Variants in NRG1 observed in about 807,000 individuals in gnomAD.
NRG1 encodes pro-neuregulin-1, membrane-bound isoform.
NRG1 carries 18 observed loss-of-function variants against 63.8 expected under a neutral mutation model. The ratio of observed to expected loss-of-function variants is 0.28; its 90% CI spans 0.19 to 0.42. NRG1 has a LOEUF of 0.42. Among genes scored for constraint, NRG1 ranks in the 10% least tolerant of loss-of-function variants. The pLI is 1.00. For synonymous variants in NRG1, 302 were observed against 301.3 expected, an observed-to-expected ratio of 1.00 and a Z score of -0.02; for missense variants, 762 against 814.7, an observed-to-expected ratio of 0.94 and a Z score of 0.79.
intron 1 of NRG1, among the ~76,000 whole-genome samples, chr8:32,122,788 C>CAACA (rs1352040214): frequency 6.6e-6 from 1 of 151,436 alleles, no homozygotes; most frequent in Non-Finnish European, 1.5e-5. Context: ...CCCCACCCCA[C>CAACA]AACAGTCCCC....
intron 1 of NRG1, among the ~76,000 whole-genome samples, chr8:31,850,559 T>TC (rs1827114798): frequency 6.6e-6 from 1 of 152,184 alleles, no homozygotes; most frequent in African/African-American, 2.4e-5. Flanking sequence ...CCACAGTTTT[T>TC]CCTCCTGCTG....
chr8:32,606,692 C>CTA (rs1845341900), intron 3 of NRG1, among the ~76,000 whole-genome samples: 1 of 152,106 alleles, frequency 6.6e-6, no homozygotes, highest in African/African-American at 2.4e-5. Context: ...TGGCACTTAA[C>CTA]TATTGCCTTT....
intron 1 of NRG1, among the ~76,000 whole-genome samples, chr8:31,975,505 A>G (rs1808018108): frequency 6.6e-6 from 1 of 152,200 alleles, no homozygotes; most frequent in Non-Finnish European, 1.5e-5. Context: ...GTTGGGGTTT[A>G]TTGTTGAATA....
chr8:31,642,707 G>A (rs1014865529), intron 1 of NRG1, among the ~76,000 whole-genome samples: 12 of 152,086 alleles, frequency 7.9e-5, no homozygotes, highest in African/African-American at 2.9e-4. Context: ...GCATGTAATC[G>A]AGTATGTTAA....
At chr8:32,158,448 G>GATAGATATATATATATATATAT (rs1491221971) in intron 1 of NRG1, among the ~76,000 whole-genome samples, 14 of 62,192 alleles carry the variant, frequency 2.3e-4, no homozygotes, top group South Asian at 7.1e-4. Context: ...TGGTTTACAT[G>GATAGATATATATATATATATAT]ATATATATAT....
chr8:32,692,595 G>C (rs1195056452), intron 5 of NRG1, among the ~76,000 whole-genome samples: 1 of 152,176 alleles, frequency 6.6e-6, no homozygotes. Context: ...TATTAAGTTA[G>C]ATTAATATTT....
intron 1 of NRG1, among the ~76,000 whole-genome samples, chr8:32,005,615 T>A (rs923052193): frequency 2.6e-5 from 4 of 152,036 alleles, no homozygotes; most frequent in African/African-American, 9.7e-5. Context: ...TTTATTTATC[T>A]TAAAATATTT....
intron 3 of NRG1, among the ~76,000 whole-genome samples, chr8:32,611,641 C>G (rs1302976711): frequency 1.3e-5 from 2 of 151,972 alleles, no homozygotes; most frequent in East Asian, 3.8e-4. Flanking sequence ...AATTCAGGTA[C>G]TTAAAGATGT....
At chr8:31,995,882 T>G (rs1811884475) in intron 1 of NRG1, among the ~76,000 whole-genome samples, 1 of 151,968 alleles carries the variant, frequency 6.6e-6, no homozygotes, top group African/African-American at 2.4e-5. Context: ...CTTTTATTCT[T>G]GGCATGCTTA....
At chr8:31,934,420 C>CTTT (rs1554580265) in intron 1 of NRG1, among the ~76,000 whole-genome samples, 2,784 of 107,806 alleles carry the variant, frequency 0.026, 310 homozygotes, top group African/African-American at 0.11. Context: ...TATTCGCTCT[C>CTTT]TTTTTTTTTT....
chr8:32,284,485 G>GCCTGCCTT (rs1392338772), intron 1 of NRG1, among the ~76,000 whole-genome samples: 1 of 116,046 alleles, frequency 8.6e-6, no homozygotes, highest in East Asian at 2.9e-4. Flanking sequence ...CTCCCTGCCT[G>GCCTGCCTT]CCTGCCTTCC....
At chr8:32,368,078 G>A (rs981824022) in intron 1 of NRG1, among the ~76,000 whole-genome samples, 1 of 152,146 alleles carries the variant, frequency 6.6e-6, no homozygotes, top group African/African-American at 2.4e-5. Flanking sequence ...GTATAGCTTT[G>A]TAGTATATTT....
chr8:32,487,896 C>T (rs925410875), intron 1 of NRG1, among the ~76,000 whole-genome samples: 1 of 152,194 alleles, frequency 6.6e-6, no homozygotes, highest in Non-Finnish European at 1.5e-5. Flanking sequence ...TTACATGCAG[C>T]CTTCAGTCAT....
chr8:32,213,862 G>C (rs1844940549), intron 1 of NRG1, among the ~76,000 whole-genome samples: 1 of 152,146 alleles, frequency 6.6e-6, no homozygotes, highest in African/African-American at 2.4e-5. Context: ...ACTCAGACGT[G>C]AGTAACTCCA....
intron 1 of NRG1, among the ~76,000 whole-genome samples, chr8:31,729,682 T>C (rs1813822391): frequency 6.6e-6 from 1 of 152,120 alleles, no homozygotes. Context: ...TTTAAGACAG[T>C]TTATCAGAAT....
At chr8:31,851,829 A>G (rs1198551029) in intron 1 of NRG1, among the ~76,000 whole-genome samples, 1 of 144,770 alleles carries the variant, frequency 6.9e-6, no homozygotes, top group Admixed American at 7.2e-5. Context: ...TCATTGTTCA[A>G]TTCCCACCTA....
intron 1 of NRG1, among the ~76,000 whole-genome samples, chr8:32,117,169 A>G (rs922488661): frequency 6.6e-5 from 10 of 151,846 alleles, no homozygotes; most frequent in African/African-American, 2.4e-4. Flanking sequence ...AAAAATATGA[A>G]ACCCTAGCTA....
chr8:32,312,208 G>A (rs1563301810), intron 1 of NRG1, among the ~76,000 whole-genome samples: 1 of 121,608 alleles, frequency 8.2e-6, no homozygotes, highest in Non-Finnish European at 1.6e-5. Flanking sequence ...CTGTCTCCCA[G>A]ACTGGAGTGC....
At chr8:31,969,767 G>A (rs1806973470) in intron 1 of NRG1, among the ~76,000 whole-genome samples, 1 of 152,038 alleles carries the variant, frequency 6.6e-6, no homozygotes, top group Non-Finnish European at 1.5e-5. Flanking sequence ...AACTCAATAA[G>A]GAAAATTAAA....
Sources: gnomAD v4.1 joint callset for allele counts (sites outside exome capture counted in the v4.1 genomes callset) on GRCh38, gnomAD v4.1.1 for gene constraint, MANE v1.5 for transcripts, NCBI Gene and HGNC (gene_info 2026-07-23, HGNC 2026-07-21) for gene names.